Variants in SLC30A6 observed in about 807,000 individuals in gnomAD.
SLC30A6 encodes the protein zinc transporter 6.
SLC30A6 carries 55 observed loss-of-function variants against 63.0 expected under a neutral mutation model. The observed-to-expected ratio is 0.87, with a 90% CI of 0.70 to 1.09. The LOEUF is 1.09. Ranked by LOEUF, SLC30A6 falls within the 50% of genes least tolerant of loss-of-function variation. The pLI, the probability that SLC30A6 is intolerant of heterozygous loss-of-function variation, is 0.00. For synonymous variants in SLC30A6, 224 were observed against 186.1 expected, an observed-to-expected ratio of 1.20 and a Z score of -1.66; for missense variants, 587 against 549.2, an observed-to-expected ratio of 1.07 and a Z score of -0.69.
intron 13 of SLC30A6, among the ~76,000 whole-genome samples, chr2:32,215,857 T>C (rs893445980): frequency 5.2e-5 from 6 of 115,190 alleles, no homozygotes; most frequent in African/African-American, 2.0e-4. Context: ...TATGTGTGCC[T>C]GGCTAATTTA....
chr2:32,197,661 A>T (rs1425916575), intron 9 of SLC30A6, 46 bp from the exon 10 acceptor site: 2 of 1,611,332 alleles, frequency 1.2e-6, no homozygotes, highest in Non-Finnish European at 1.7e-6. Flanking sequence ...CACCAGTTTT[A>T]TGTGAGTTCT....
rs77324040 is a variant in SLC30A6 at position 32,192,051 on chromosome 2, T to A, written c.285-285T>A. On this transcript the variant is annotated intron_variant, in intron 5 of 13. Coordinates refer to ENST00000282587, the MANE Select transcript of SLC30A6 (RefSeq NM_017964.5). Reference sequence around the variant, plus strand: ...CTGGTAATTGTCTTTTTTTTTTTTTTAATCATTTTAAAGTTTTTCTGGAAA... The same window carrying A: ...CTGGTAATTGTCTTTTTTTTTTTTTAAATCATTTTAAAGTTTTTCTGGAAA... Among the ~76,000 whole-genome samples, 63 of 151,600 alleles carry A rather than the reference T, an allele frequency of 4.2e-4. No individual in the cohort carries two copies. Among genetic ancestry groups the A allele is most frequent in the Admixed American group, 3.0e-3 (46 of 15,220 alleles).
At position 32,219,133 on chromosome 2, in the gene SLC30A6, A is replaced by G. The variant is rs956477732; in HGVS notation, c.886-1080A>G. Among the ~76,000 whole-genome samples, 3 of 152,044 alleles carry G rather than the reference A, an allele frequency of 2.0e-5. No homozygotes were observed. The East Asian group carries it at 5.8e-4, about 30-fold the overall frequency. ...ACTGCAACCTCCGCCTCCCAGGTTC[A>G]AGCAATTCTTCTGCCTCAGCCCCCT... On this transcript the variant is annotated intron_variant, in intron 13 of 13. Coordinates refer to ENST00000282587, the MANE Select transcript of SLC30A6 (RefSeq NM_017964.5).
intron 4 of SLC30A6, among the ~76,000 whole-genome samples, chr2:32,180,687 C>G (rs1052893890): frequency 1.3e-5 from 2 of 152,174 alleles, no homozygotes; most frequent in African/African-American, 4.8e-5. Context: ...CCCGCCTCAG[C>G]CTGCCAAAGT....
intron 12 of SLC30A6, among the ~76,000 whole-genome samples, chr2:32,209,130 A>G (rs150670558): frequency 4.1e-4 from 63 of 152,320 alleles, no homozygotes; most frequent in Admixed American, 9.8e-4. Flanking sequence ...TTGAGAAAAC[A>G]AAAAAATTAA....
chr2:32,206,595 A>G (rs936600151), intron 11 of SLC30A6, among the ~76,000 whole-genome samples: 3 of 152,228 alleles, frequency 2.0e-5, no homozygotes, highest in African/African-American at 7.2e-5. Context: ...TATGCCCTAT[A>G]CAAAATACGA....
chr2:32,168,398 CAG>C (rs1203182045), intron 1 of SLC30A6, among the ~76,000 whole-genome samples: 3 of 149,214 alleles, frequency 2.0e-5, no homozygotes, highest in Admixed American at 6.7e-5. Flanking sequence ...TGTGTGAAAA[CAG>C]TGCCTTCTTA....
chr2:32,218,153 G>T (rs746617989), intron 13 of SLC30A6, among the ~76,000 whole-genome samples: 1 of 152,062 alleles, frequency 6.6e-6, no homozygotes, highest in Non-Finnish European at 1.5e-5. Context: ...GGGCATGGTG[G>T]CTCACGCCCG....
At chr2:32,181,337 A>T (rs1460043282) in intron 4 of SLC30A6, among the ~76,000 whole-genome samples, 1 of 152,210 alleles carries the variant, frequency 6.6e-6, no homozygotes, top group Non-Finnish European at 1.5e-5. Context: ...CTGCTAATTC[A>T]ACTGTGATGT....
chr2:32,215,512 A>AT (rs1237250780), intron 13 of SLC30A6, among the ~76,000 whole-genome samples: 11 of 88,504 alleles, frequency 1.2e-4, no homozygotes, highest in Admixed American at 5.7e-4. Context: ...ATATATATAT[A>AT]TATATTTTTT....
intron 7 of SLC30A6, 42 bp from the exon 8 acceptor site, chr2:32,193,847 C>A: frequency 6.6e-7 from 1 of 1,507,350 alleles, no homozygotes; most frequent in Non-Finnish European, 9.2e-7. Flanking sequence ...CTGATAATAC[C>A]AAGAACAAAT....
At chr2:32,175,186 A>G (rs1052436918) in intron 3 of SLC30A6, 133 bp from the exon 4 acceptor site, 6 of 705,388 alleles carry the variant, frequency 8.5e-6, no homozygotes, top group African/African-American at 7.3e-5. Context: ...ATAACTGCCA[A>G]TATATGAGGT....
At chr2:32,206,590 C>T (rs1558416966) in intron 11 of SLC30A6, among the ~76,000 whole-genome samples, 1 of 152,002 alleles carries the variant, frequency 6.6e-6, no homozygotes, top group East Asian at 1.9e-4. Flanking sequence ...AGTGCTATGC[C>T]CTATACAAAA....
At chr2:32,171,167 G>A in intron 1 of SLC30A6, 120 bp from the exon 2 acceptor site, 2 of 669,996 alleles carry the variant, frequency 3.0e-6, no homozygotes, top group Non-Finnish European at 5.1e-6. Context: ...AGTGCTTGAT[G>A]TATATTGAGT....
rs895599228 is a variant in SLC30A6 at position 32,213,208 on chromosome 2, TG to T, written c.885+3648del. Among the ~76,000 whole-genome samples, 65 of 152,000 alleles carry T rather than the reference TG, an allele frequency of 4.3e-4. 1 individual carries two copies. The highest frequency in any genetic ancestry group is 2.4e-4 in the Non-Finnish European group (16 of 67,992). Reference sequence around the variant, plus strand: ...AGGCACGAGCCACTGTGCCTGGCCCTGCCTTACATTTTTATCTGAACTTCTT... The same window carrying T: ...AGGCACGAGCCACTGTGCCTGGCCCTCCTTACATTTTTATCTGAACTTCTT... On this transcript the variant is annotated intron_variant, in intron 13 of 13. Transcript: ENST00000282587.
At chr2:32,210,761 A>G (rs368552757) in intron 13 of SLC30A6, among the ~76,000 whole-genome samples, 1 of 152,256 alleles carries the variant, frequency 6.6e-6, no homozygotes, top group Non-Finnish European at 1.5e-5. Flanking sequence ...GTTTCAGGCT[A>G]TGCTTTTGTA....
intron 5 of SLC30A6, among the ~76,000 whole-genome samples, chr2:32,189,463 A>G (rs1341242558): frequency 6.8e-6 from 1 of 147,556 alleles, no homozygotes; most frequent in Non-Finnish European, 1.5e-5. Flanking sequence ...AATTTTTTTT[A>G]TTTTTTTATT....
intron 10 of SLC30A6, chr2:32,201,813 G>A: frequency 7.1e-7 from 1 of 1,399,526 alleles, no homozygotes. Context: ...ACAGAAGGAA[G>A]TCAAGCCACC....
intron 7 of SLC30A6, 78 bp from the exon 8 acceptor site, chr2:32,193,811 G>T: frequency 2.7e-6 from 3 of 1,115,112 alleles, no homozygotes; most frequent in South Asian, 1.3e-5. Flanking sequence ...CCACCTCTTA[G>T]TCCCTCTACG....
Sources: gnomAD v4.1 joint callset for allele counts (sites outside exome capture counted in the v4.1 genomes callset) on GRCh38, gnomAD v4.1.1 for gene constraint, MANE v1.5 for transcripts, NCBI Gene and HGNC (gene_info 2026-07-23, HGNC 2026-07-21) for gene names.